PTPRD: variants seen among roughly 807,000 people sequenced by gnomAD.
PTPRD encodes the protein protein tyrosine phosphatase receptor type D.
Under a neutral mutation model 214.5 loss-of-function variants are expected in PTPRD, and 34 were observed. The ratio of observed to expected loss-of-function variants is 0.16; its 90% CI spans 0.12 to 0.21. The LOEUF is 0.21. Among genes scored for constraint, PTPRD ranks in the 10% least tolerant of loss-of-function variants. The probability of loss-of-function intolerance (pLI) is 1.00; values close to 1 mark genes in which losing one functional copy is unlikely to be tolerated. For synonymous variants in PTPRD, 1,128 were observed against 845.7 expected, an observed-to-expected ratio of 1.33 and a Z score of -5.79; for missense variants, 2,545 against 2,398.7, an observed-to-expected ratio of 1.06 and a Z score of -1.27.
intron 9 of PTPRD, among the ~76,000 whole-genome samples, chr9:9,382,866 A>G (rs1181166529): frequency 6.6e-6 from 1 of 152,128 alleles, no homozygotes; most frequent in East Asian, 1.9e-4. Context: ...TCATTGCAGA[A>G]CGATTCACAA....
intron 12 of PTPRD, among the ~76,000 whole-genome samples, chr9:8,679,380 G>A (rs1395991080): frequency 2.0e-5 from 3 of 152,172 alleles, no homozygotes; most frequent in Admixed American, 2.0e-4. Context: ...ACAGTTATGA[G>A]AAAAATGTGT....
At chr9:9,778,625 G>A (rs902776414) in intron 5 of PTPRD, among the ~76,000 whole-genome samples, 1 of 152,040 alleles carries the variant, frequency 6.6e-6, no homozygotes, top group South Asian at 2.1e-4. Context: ...CCTCCTAGGG[G>A]CCACGCATAG....
At chr9:8,634,950 C>CA (rs1307472716) in intron 13 of PTPRD, among the ~76,000 whole-genome samples, 2 of 151,114 alleles carry the variant, frequency 1.3e-5, no homozygotes, top group African/African-American at 4.9e-5. Context: ...GACCAGACAC[C>CA]ATACTTAGCA....
intron 2 of PTPRD, among the ~76,000 whole-genome samples, chr9:10,382,452 T>A (rs888641871): frequency 6.6e-6 from 1 of 151,900 alleles, no homozygotes; most frequent in Non-Finnish European, 1.5e-5. Context: ...CCATTTTTAT[T>A]TCCACAACAG....
chr9:10,096,785 T>G (rs1472249950), intron 3 of PTPRD, among the ~76,000 whole-genome samples: 5 of 152,036 alleles, frequency 3.3e-5, no homozygotes, highest in Non-Finnish European at 7.4e-5. Flanking sequence ...TGCCATTGCT[T>G]TTGGTGTTTT....
intron 8 of PTPRD, among the ~76,000 whole-genome samples, chr9:9,554,777 T>C (rs991202200): frequency 1.3e-5 from 2 of 152,064 alleles, no homozygotes; most frequent in African/African-American, 2.4e-5. Flanking sequence ...GCAGGAAACT[T>C]AGACTTAATG....
intron 16 of PTPRD, 99 bp from the exon 17 acceptor site, chr9:8,526,743 C>T: frequency 1.0e-6 from 1 of 966,556 alleles, no homozygotes; most frequent in Non-Finnish European, 1.5e-6. Context: ...ATTAGATTTA[C>T]AGAATTAAAT....
At chr9:8,649,720 T>C (rs1430364735) in intron 12 of PTPRD, among the ~76,000 whole-genome samples, 1 of 152,256 alleles carries the variant, frequency 6.6e-6, no homozygotes, top group Admixed American at 6.5e-5. Flanking sequence ...CCTGAGTTTT[T>C]ATTACAAAGA....
intron 2 of PTPRD, among the ~76,000 whole-genome samples, chr9:10,458,858 G>A (rs1240013487): frequency 6.6e-6 from 1 of 152,026 alleles, no homozygotes; most frequent in African/African-American, 2.4e-5. Flanking sequence ...AAATCAACAT[G>A]CAAAACATCA....
intron 3 of PTPRD, among the ~76,000 whole-genome samples, chr9:10,331,626 G>A (rs2096752398): frequency 2.0e-5 from 3 of 151,712 alleles, no homozygotes; most frequent in Admixed American, 2.0e-4. Flanking sequence ...AATCCTGTGG[G>A]CTTAGAGGAA....
chr9:8,418,296 T>A (rs2094102964), intron 35 of PTPRD, among the ~76,000 whole-genome samples: 1 of 152,026 alleles, frequency 6.6e-6, no homozygotes, highest in South Asian at 2.1e-4. Context: ...CCCAATTCAT[T>A]ACTGCCTGGA....
intron 17 of PTPRD, among the ~76,000 whole-genome samples, chr9:8,525,966 C>T (rs987544469): frequency 2.6e-5 from 4 of 151,138 alleles, no homozygotes; most frequent in African/African-American, 4.9e-5. Flanking sequence ...AATCCGGAGA[C>T]GAGTAATCCA....
At chr9:9,697,383 C>T (rs1200270465) in intron 7 of PTPRD, among the ~76,000 whole-genome samples, 1 of 151,986 alleles carries the variant, frequency 6.6e-6, no homozygotes, top group African/African-American at 2.4e-5. Context: ...TTATAAGTTC[C>T]CCATCTTTTG....
intron 2 of PTPRD, among the ~76,000 whole-genome samples, chr9:10,357,365 G>A (rs141601395): frequency 0.013 from 2,022 of 152,218 alleles, 174 homozygotes; most frequent in Admixed American, 0.12. Context: ...GATAATAATT[G>A]GCACTATTAT....
intron 10 of PTPRD, among the ~76,000 whole-genome samples, chr9:9,180,105 C>T (rs1370169140): frequency 6.6e-6 from 1 of 151,594 alleles, no homozygotes; most frequent in South Asian, 2.1e-4. Context: ...GGATATATAC[C>T]CAAAGGATTA....
At chr9:10,109,246 C>G (rs1289529243) in intron 3 of PTPRD, among the ~76,000 whole-genome samples, 2 of 152,150 alleles carry the variant, frequency 1.3e-5, no homozygotes, top group Non-Finnish European at 2.9e-5. Flanking sequence ...TAGATGACTA[C>G]TGTATTCTCA....
At chr9:8,344,967 C>G (rs72710306) in intron 39 of PTPRD, among the ~76,000 whole-genome samples, 1 of 151,736 alleles carries the variant, frequency 6.6e-6, no homozygotes, top group African/African-American at 2.4e-5. Flanking sequence ...TTTTAACATT[C>G]AGTCTCTAAA....
At chr9:9,164,297 C>T (rs1263433879) in intron 10 of PTPRD, among the ~76,000 whole-genome samples, 1 of 152,116 alleles carries the variant, frequency 6.6e-6, no homozygotes, top group Non-Finnish European at 1.5e-5. Context: ...AGTCAGCAGG[C>T]CATCTTTAAC....
intron 3 of PTPRD, among the ~76,000 whole-genome samples, chr9:10,081,599 C>G (rs910088999): frequency 1.3e-5 from 2 of 152,052 alleles, no homozygotes; most frequent in Non-Finnish European, 2.9e-5. Context: ...TGCTAGGGCC[C>G]TGATCTGAGA....
Sources: gnomAD v4.1 joint callset for allele counts (sites outside exome capture counted in the v4.1 genomes callset) on GRCh38, gnomAD v4.1.1 for gene constraint, MANE v1.5 for transcripts, NCBI Gene and HGNC (gene_info 2026-07-23, HGNC 2026-07-21) for gene names.